Variants in CA10 observed in about 807,000 individuals in gnomAD.
CA10 encodes carbonic anhydrase-related protein 10.
A neutral mutation model predicts 44.2 loss-of-function variants in CA10; 14 were observed. The ratio of observed to expected loss-of-function variants is 0.32; its 90% CI spans 0.21 to 0.50. The LOEUF (loss-of-function observed/expected upper bound fraction) is 0.50, where lower values mean the gene tolerates loss of function less well. Among genes scored for constraint, CA10 ranks in the 20% least tolerant of loss-of-function variants. CA10 has a pLI of 0.99. For synonymous variants in CA10, 159 were observed against 141.6 expected, an observed-to-expected ratio of 1.12 and a Z score of -0.87; for missense variants, 350 against 409.7, an observed-to-expected ratio of 0.85 and a Z score of 1.26.
chr17:51,681,148 C>T (rs1914832855), intron 4 of CA10, among the ~76,000 whole-genome samples: 1 of 152,184 alleles, frequency 6.6e-6, no homozygotes. Context: ...TTGTCTCTTC[C>T]TAGCTGGGAA....
At chr17:51,945,046 C>T (rs1336525897) in intron 2 of CA10, among the ~76,000 whole-genome samples, 1 of 152,154 alleles carries the variant, frequency 6.6e-6, no homozygotes, top group Non-Finnish European at 1.5e-5. Flanking sequence ...AAAGGGCAGT[C>T]ACACTTAGCA....
chr17:51,765,307 C>T (rs1165331880), intron 3 of CA10, among the ~76,000 whole-genome samples: 2 of 152,130 alleles, frequency 1.3e-5, no homozygotes, highest in East Asian at 1.9e-4. Context: ...GGACAGGCTC[C>T]GAGAAACCTC....
chr17:51,920,592 G>A (rs1982190671), intron 3 of CA10, among the ~76,000 whole-genome samples: 1 of 152,140 alleles, frequency 6.6e-6, no homozygotes, highest in East Asian at 1.9e-4. Context: ...GTTTCCTTGG[G>A]AGATTTGCCT....
intron 1 of CA10, among the ~76,000 whole-genome samples, chr17:52,092,144 G>A (rs1260442016): frequency 6.6e-6 from 1 of 151,958 alleles, no homozygotes; most frequent in Admixed American, 6.6e-5. Context: ...CTCTTCGTGT[G>A]CATTTCTATG....
intron 3 of CA10, among the ~76,000 whole-genome samples, chr17:51,809,213 G>T (rs944187219): frequency 3.9e-5 from 6 of 152,118 alleles, no homozygotes; most frequent in Non-Finnish European, 8.8e-5. Context: ...CTTGAAATCA[G>T]TTTTCTCATA....
At chr17:51,835,353 C>G (rs1227545166) in intron 3 of CA10, among the ~76,000 whole-genome samples, 1 of 152,278 alleles carries the variant, frequency 6.6e-6, no homozygotes, top group Middle Eastern at 3.4e-3. Context: ...GACCACTTTC[C>G]CTTGACCCAT....
At chr17:51,652,068 C>T in intron 5 of CA10, among the ~76,000 whole-genome samples, 1 of 152,148 alleles carries the variant, frequency 6.6e-6, no homozygotes, top group East Asian at 1.9e-4. Flanking sequence ...CCTTCTTGCC[C>T]TCACTTGCTC....
At chr17:51,652,051 T>C (rs1425202631) in intron 5 of CA10, among the ~76,000 whole-genome samples, 1 of 152,206 alleles carries the variant, frequency 6.6e-6, no homozygotes, top group Non-Finnish European at 1.5e-5. Context: ...TAAAATGTCA[T>C]GTACTCCCTT....
chr17:51,754,735 T>C (rs554847269), intron 3 of CA10, among the ~76,000 whole-genome samples: 106 of 152,092 alleles, frequency 7.0e-4, no homozygotes, highest in Non-Finnish European at 1.2e-3. Flanking sequence ...TCCCAATTAA[T>C]GTTTGACCAA....
intron 3 of CA10, among the ~76,000 whole-genome samples, chr17:51,910,547 A>T (rs889893402): frequency 7.9e-5 from 12 of 152,320 alleles, no homozygotes; most frequent in African/African-American, 2.9e-4. Context: ...ACAAATTCAG[A>T]TAGAATGGCA....
chr17:51,899,554 C>T (rs576168197), intron 3 of CA10, among the ~76,000 whole-genome samples: 1 of 152,004 alleles, frequency 6.6e-6, no homozygotes, highest in African/African-American at 2.4e-5. Flanking sequence ...CTGTAGGTCT[C>T]TATTATGCCC....
At chr17:51,876,278 C>T (rs1034777737) in intron 3 of CA10, among the ~76,000 whole-genome samples, 46 of 150,328 alleles carry the variant, frequency 3.1e-4, no homozygotes, top group African/African-American at 1.1e-3. Flanking sequence ...GCAATCCTCC[C>T]ACCTCGGCCT....
chr17:51,657,619 T>C (rs1913842707), intron 4 of CA10, among the ~76,000 whole-genome samples: 1 of 152,218 alleles, frequency 6.6e-6, no homozygotes, highest in South Asian at 2.1e-4. Context: ...GATGGATTTC[T>C]TTTTGCCATG....
chr17:51,672,819 C>T (rs759457609), intron 4 of CA10, among the ~76,000 whole-genome samples: 8 of 152,188 alleles, frequency 5.3e-5, no homozygotes, highest in Non-Finnish European at 1.0e-4. Context: ...ATTCTACCAG[C>T]CCAGATCCCT....
intron 3 of CA10, among the ~76,000 whole-genome samples, chr17:51,837,739 A>C (rs1978291981): frequency 6.6e-6 from 1 of 152,140 alleles, no homozygotes; most frequent in Non-Finnish European, 1.5e-5. Flanking sequence ...TATTATAGTT[A>C]TTTGTCATTA....
intron 4 of CA10, among the ~76,000 whole-genome samples, chr17:51,721,024 G>A (rs1255856163): frequency 6.6e-6 from 1 of 152,134 alleles, no homozygotes; most frequent in Non-Finnish European, 1.5e-5. Context: ...ATTATTATTT[G>A]TCAGTTAAAC....
At chr17:51,705,238 C>A (rs1027081515) in intron 4 of CA10, among the ~76,000 whole-genome samples, 2 of 152,198 alleles carry the variant, frequency 1.3e-5, no homozygotes, top group African/African-American at 4.8e-5. Context: ...GAGAACTGCT[C>A]ATCCTTCAGA....
chr17:51,833,750 C>A (rs1000189426), intron 3 of CA10, among the ~76,000 whole-genome samples: 4 of 152,146 alleles, frequency 2.6e-5, no homozygotes, highest in Non-Finnish European at 5.9e-5. Flanking sequence ...TATTAGAAAG[C>A]AACCATCTTC....
intron 4 of CA10, among the ~76,000 whole-genome samples, chr17:51,746,269 CATT>C (rs750463665): frequency 9.8e-5 from 15 of 152,322 alleles, no homozygotes; most frequent in South Asian, 6.2e-4. Flanking sequence ...CCTGCTTTGT[CATT>C]GTTGTTTATC....
Sources: allele counts gnomAD v4.1 joint callset (sites outside exome capture counted in the v4.1 genomes callset), GRCh38; gene constraint gnomAD v4.1.1; transcripts MANE v1.5; gene names NCBI Gene and HGNC (gene_info 2026-07-23, HGNC 2026-07-21).